The following RORA variants were observed in gnomAD, a reference collection of about 807,000 sequenced individuals.
RORA encodes the protein RAR related orphan receptor A.
RORA carries 7 observed loss-of-function variants against 69.5 expected under a neutral mutation model. That is an observed-to-expected ratio of 0.10 (90% CI 0.06 to 0.19). The LOEUF is 0.19. Among genes scored for constraint, RORA ranks in the 10% least tolerant of loss-of-function variants. The pLI is 1.00. For synonymous variants in RORA, 261 were observed against 240.8 expected, an observed-to-expected ratio of 1.08 and a Z score of -0.78; for missense variants, 457 against 663.0, an observed-to-expected ratio of 0.69 and a Z score of 3.41.
At chr15:60,612,293 T>TTA (rs10656635) in intron 2 of RORA, among the ~76,000 whole-genome samples, 18,948 of 152,140 alleles carry the variant, frequency 0.12, 2,100 homozygotes, top group African/African-American at 0.3. Flanking sequence ...CCCAGTCATC[T>TTA]TATAATCCAT....
At chr15:60,823,000 T>G (rs1184975391) in intron 1 of RORA, among the ~76,000 whole-genome samples, 1 of 151,852 alleles carries the variant, frequency 6.6e-6, no homozygotes, top group Non-Finnish European at 1.5e-5. Context: ...CTTCTTTTCT[T>G]CCATCCTTTC....
intron 1 of RORA, among the ~76,000 whole-genome samples, chr15:61,023,016 C>G (rs1895616262): frequency 6.6e-6 from 1 of 151,852 alleles, no homozygotes; most frequent in Non-Finnish European, 1.5e-5. Context: ...GAAACCCCGT[C>G]TCTACTAAAA....
intron 1 of RORA, among the ~76,000 whole-genome samples, chr15:61,197,251 T>C (rs1028345517): frequency 1.3e-5 from 2 of 152,246 alleles, no homozygotes; most frequent in East Asian, 3.8e-4. Context: ...GGGCCTAATG[T>C]AGTTTGGAAA....
intron 1 of RORA, among the ~76,000 whole-genome samples, chr15:60,811,612 A>C (rs341367): frequency 0.2 from 30,916 of 152,202 alleles, 3,511 homozygotes; most frequent in Admixed American, 0.26. Flanking sequence ...ACAGTCAAAT[A>C]TACTTTGGAC....
At chr15:61,009,286 G>A (rs1368545611) in intron 1 of RORA, among the ~76,000 whole-genome samples, 6 of 152,162 alleles carry the variant, frequency 3.9e-5, no homozygotes, top group Admixed American at 2.6e-4. Flanking sequence ...ATTTTATTAA[G>A]ATAGAGTAAA....
intron 1 of RORA, among the ~76,000 whole-genome samples, chr15:60,830,153 G>T (rs1697869626): frequency 6.6e-6 from 1 of 152,050 alleles, no homozygotes; most frequent in African/African-American, 2.4e-5. Context: ...TAGTAGTTTT[G>T]CGCTTATTCT....
intron 1 of RORA, among the ~76,000 whole-genome samples, chr15:61,008,693 C>A (rs879456989): frequency 6.6e-6 from 1 of 152,072 alleles, no homozygotes; most frequent in Non-Finnish European, 1.5e-5. Context: ...ATTTGACTTA[C>A]CCCTTTTTAA....
rs192680602 is a variant in RORA at position 60,707,051 on chromosome 15, A to G, written c.167-28365T>C. Among the ~76,000 whole-genome samples, 607 of 152,344 alleles carry G rather than the reference A, an allele frequency of 4.0e-3. 4 individuals carry two copies. Among genetic ancestry groups the G allele is most frequent in the Non-Finnish European group, 6.3e-3 (429 of 68,028 alleles). On this transcript the variant is annotated intron_variant, in intron 1 of 10. Coordinates refer to ENST00000335670, the MANE Select transcript of RORA (RefSeq NM_134261.3). ...TGTTGTGCAAATGGAGGCATACAAC[A>G]TGCTCTGAGGGAAGATACCACTTTT...
chr15:60,517,281 C>T (rs753700751), intron 3 of RORA, among the ~76,000 whole-genome samples: 1 of 151,914 alleles, frequency 6.6e-6, no homozygotes, highest in South Asian at 2.1e-4. Context: ...TGGGACAGGG[C>T]AGGACCCTGA....
At chr15:60,922,822 C>T (rs762376848) in intron 1 of RORA, among the ~76,000 whole-genome samples, 6 of 152,198 alleles carry the variant, frequency 3.9e-5, no homozygotes, top group Non-Finnish European at 8.8e-5. Context: ...TGGATGGTTG[C>T]TGTCACTGTC....
intron 1 of RORA, among the ~76,000 whole-genome samples, chr15:61,127,022 A>AAC (rs772386551): frequency 3.5e-4 from 54 of 152,274 alleles, no homozygotes; most frequent in Non-Finnish European, 5.1e-4. Flanking sequence ...AGCAAACTGA[A>AAC]ACACACACAC....
In RORA at chr15:61,147,028, C is replaced by T. The variant is rs1567010939; in HGVS notation, c.166+82025G>A. ...GGCTATTCATGGTGGGGGGCAGTCACGGGGGAACTAAATGGATTCCATTTC... is the reference window on the plus strand; with the variant it reads ...GGCTATTCATGGTGGGGGGCAGTCATGGGGGAACTAAATGGATTCCATTTC... On this transcript the variant is annotated intron_variant, in intron 1 of 10. Transcript: ENST00000335670. This position sits in a 1 kb window ranked among gnomAD's most constrained non-coding sequence, Gnocchi z 4.1. Among the ~76,000 whole-genome samples the T allele has an allele frequency of 6.6e-6, 1 of 151,102 alleles. No individual in the cohort carries two copies. Among genetic ancestry groups the T allele is most frequent in the Non-Finnish European group, 1.5e-5 (1 of 67,842 alleles).
chr15:60,845,532 C>T (rs950195776), intron 1 of RORA, among the ~76,000 whole-genome samples: 4 of 152,176 alleles, frequency 2.6e-5, no homozygotes, highest in African/African-American at 9.7e-5. Context: ...CGATTGGAAG[C>T]TTTACAGGCT....
intron 1 of RORA, among the ~76,000 whole-genome samples, chr15:60,815,684 G>C (rs2140371842): frequency 6.6e-6 from 1 of 150,950 alleles, no homozygotes; most frequent in South Asian, 2.1e-4. Flanking sequence ...ACTTCCACCG[G>C]CTCCCCTTGG....
rs1567051760 is a variant in RORA at position 60,516,071 on chromosome 15, ATATATTTATT to A, written c.283-1324_283-1315del. ...TTTATATATATTTATATATATTTATATATATTTATTTATATATATTTATATATATTTATAT... is the reference window on the plus strand; with the variant it reads ...TTTATATATATTTATATATATTTATATATATATATTTATATATATTTATAT... On this transcript the variant is annotated intron_variant, in intron 3 of 10. Coordinates refer to ENST00000335670, the MANE Select transcript of RORA (RefSeq NM_134261.3). 3.8e-5 allele frequency among the ~76,000 whole-genome samples: 2 copies of A among 52,720 alleles called. 1 individual carries two copies. The highest frequency in any genetic ancestry group is 6.7e-4 in the Admixed American group (2 of 2,996). The allele number at this position is 52,720 out of a possible 152,430, so 34.6% of individuals were successfully genotyped here.
chr15:61,162,777 T>C (rs2079506833), intron 1 of RORA, among the ~76,000 whole-genome samples: 1 of 152,144 alleles, frequency 6.6e-6, no homozygotes, highest in African/African-American at 2.4e-5. Context: ...TTCACTTACC[T>C]AATAACTACT....
chr15:60,884,725 C>G (rs1208366312), intron 1 of RORA, among the ~76,000 whole-genome samples: 1 of 152,242 alleles, frequency 6.6e-6, no homozygotes, highest in African/African-American at 2.4e-5. Context: ...AACCCATTCT[C>G]TCTTGCCTTC....
At chr15:60,782,876 A>C (rs1431488459) in intron 1 of RORA, among the ~76,000 whole-genome samples, 1 of 152,262 alleles carries the variant, frequency 6.6e-6, no homozygotes, top group Non-Finnish European at 1.5e-5. Flanking sequence ...TGCTATAGGC[A>C]TTGAGTTAAA....
At chr15:60,816,045 A>G (rs1421259245) in intron 1 of RORA, among the ~76,000 whole-genome samples, 1 of 145,684 alleles carries the variant, frequency 6.9e-6, no homozygotes, top group Non-Finnish European at 1.5e-5. Context: ...TATATACTAT[A>G]AAAACTATAT....
Sources: gnomAD v4.1 joint callset for allele counts (sites outside exome capture counted in the v4.1 genomes callset) on GRCh38, gnomAD v4.1.1 for gene constraint, Gnocchi (gnomAD v3.1) non-coding constraint, MANE v1.5 for transcripts, NCBI Gene and HGNC (gene_info 2026-07-23, HGNC 2026-07-21) for gene names.